The following PDXDC1 variants were observed in gnomAD, a reference collection of about 807,000 sequenced individuals.
PDXDC1 encodes the protein pyridoxal dependent decarboxylase domain containing 1.
PDXDC1 carries 42 observed loss-of-function variants against 100.1 expected under a neutral mutation model. That is an observed-to-expected ratio of 0.42 (90% confidence interval 0.33 to 0.54). The LOEUF (loss-of-function observed/expected upper bound fraction) is 0.54. Among genes scored for constraint, PDXDC1 ranks in the 20% least tolerant of loss-of-function variants. The pLI is 0.10. For synonymous variants in PDXDC1, 260 were observed against 371.7 expected (o/e 0.70, Z 3.46); for missense variants, 636 against 979.2 (o/e 0.65, Z 4.68).
chr16:15,010,983 T>C (rs1248355938), intron 8 of PDXDC1, among the ~76,000 whole-genome samples: 2 of 151,882 alleles, frequency 1.3e-5, no homozygotes, highest in East Asian at 1.9e-4. Context: ...GAAGACTAAG[T>C]ATTAAGTCAG....
At chr16:15,137,802 G>C in intron 16 of PDXDC1, 2 of 1,583,050 alleles carry the variant, frequency 1.3e-6, no homozygotes, top group East Asian at 2.3e-5. Flanking sequence ...TGGCCAGCCA[G>C]GGAGTCAGGC....
chr16:15,043,456 C>T (rs1256163273), intron 16 of PDXDC1, among the ~76,000 whole-genome samples: 1 of 152,184 alleles, frequency 6.6e-6, no homozygotes, highest in Non-Finnish European at 1.5e-5. Flanking sequence ...GAGGGAGGAT[C>T]ACTTGAGCCC....
In PDXDC1 at chr16:15,034,384, G is replaced by T. The variant is rs952294483; in HGVS notation, c.1905+6G>T. 1.9e-6 allele frequency: 3 copies of T among 1,613,460 alleles called. No homozygotes were observed. The highest frequency in any genetic ancestry group is 2.5e-6 in the Non-Finnish European group (3 of 1,179,932). On this transcript the variant is annotated splice_donor_region_variant and intron_variant, in intron 20 of 22. Coordinates refer to ENST00000396410, the MANE Select transcript of PDXDC1 (RefSeq NM_015027.4). ...AAGAACGGCTTCTGGAAGAGGTGAG[G>T]CCCCCGATGGGCAGCAGGCTGGGGG...
At position 15,036,507 on chromosome 16, in the gene PDXDC1, G is replaced by T; in HGVS notation, c.*232G>T. 1 of 538,894 alleles carries T rather than the reference G, an allele frequency of 1.9e-6. No homozygotes were observed. The allele number at this position is 538,894 out of a possible 1,614,324, so 33.4% of individuals were successfully genotyped here. A position where few individuals can be genotyped will look rare whatever the true frequency, so the allele number is the denominator to read the frequency against. On this transcript the variant is annotated 3_prime_UTR_variant, in exon 23 of 23. Transcript: ENST00000396410. ...CTGTCCTACTACGACTTTTCCCTAA[G>T]TTACCATAAACACATTTTATTCACA... is the stretch of plus-strand genomic sequence containing the variant.
At chr16:15,129,794 C>A in intron 16 of PDXDC1, 1 of 705,986 alleles carries the variant, frequency 1.4e-6, no homozygotes, top group Non-Finnish European at 2.6e-6. Flanking sequence ...CTTGTTCTGA[C>A]GTCTGCGATG....
downstream of PDXDC1, among the ~76,000 whole-genome samples, chr16:15,142,970 G>C (rs1329204234): frequency 6.6e-6 from 1 of 152,196 alleles, no homozygotes; most frequent in Non-Finnish European, 1.5e-5. Flanking sequence ...CCTCACCCCA[G>C]TTCCTGCTAT....
At chr16:15,025,330 G>A (rs1272769301) in intron 13 of PDXDC1, 1 of 152,398 alleles carries the variant, frequency 6.6e-6, no homozygotes, top group Non-Finnish European at 1.5e-5. Context: ...CCTAGCTGAG[G>A]ATGGGAGAAT....
the PDXDC1 span, among the ~76,000 whole-genome samples, chr16:15,145,246 G>T: frequency 6.6e-6 from 1 of 152,242 alleles, no homozygotes; most frequent in Non-Finnish European, 1.5e-5. Context: ...CCTGGAGAGG[G>T]CAGCAGCACA....
chr16:14,992,115 T>G (rs1478785880), intron 1 of PDXDC1, among the ~76,000 whole-genome samples: 1 of 152,280 alleles, frequency 6.6e-6, no homozygotes, highest in Non-Finnish European at 1.5e-5. Context: ...GTGTAAGGAA[T>G]CATGAGGATA....
At chr16:15,042,045 T>C (rs2043839090), downstream of PDXDC1, among the ~76,000 whole-genome samples, 1 of 152,240 alleles carries the variant, frequency 6.6e-6, no homozygotes, top group East Asian at 1.9e-4. Flanking sequence ...ATCTGGCCAC[T>C]GTAACAGATC....
rs561079755 is a variant in PDXDC1 at position 15,135,766 on chromosome 16, G to A, written c.1400-3113G>A. ...CCAGGTCCTGTGTGTCTGACCACAC[G>A]CGGTATGAGCCACCCTCAGTGATGG... is the stretch of plus-strand genomic sequence containing the variant. On this transcript the variant is annotated intron_variant, in intron 16 of 16. Transcript: ENST00000535621. 117 of 1,595,590 alleles carry A rather than the reference G, an allele frequency of 7.3e-5. No individual in the cohort carries two copies. In the South Asian group the frequency reaches 9.4e-4, roughly 13 times the overall value.
chr16:15,056,063 G>T, intron 16 of PDXDC1: 1 of 461,196 alleles, frequency 2.2e-6, no homozygotes. Flanking sequence ...CTCGGGCCGC[G>T]CGTCCCGCCT....
intron 14 of PDXDC1, 31 bp from the exon 15 acceptor site, chr16:15,028,847 G>A (rs2042831953): frequency 2.5e-6 from 4 of 1,606,246 alleles, no homozygotes; most frequent in Non-Finnish European, 2.6e-6. Context: ...GTGTTTCTGG[G>A]AGTGACTCCC....
chr16:15,128,089 C>T (rs1011168912), intron 16 of PDXDC1: 8 of 1,608,620 alleles, frequency 5.0e-6, no homozygotes, highest in Admixed American at 3.3e-5. Context: ...GTGCCGTCTG[C>T]AGGTCCCTGA....
chr16:15,129,872 C>T (rs777000776), intron 16 of PDXDC1: 98 of 755,764 alleles, frequency 1.3e-4, no homozygotes, highest in Non-Finnish European at 2.1e-4. Context: ...CACCCCGCCG[C>T]GCCCCTCACC....
the PDXDC1 span, among the ~76,000 whole-genome samples, chr16:15,145,222 G>T: frequency 2.0e-5 from 3 of 152,228 alleles, no homozygotes; most frequent in Non-Finnish European, 2.9e-5. Flanking sequence ...CCGGCTGTGC[G>T]GGCACAGCAG....
chr16:15,135,629 C>G, intron 16 of PDXDC1: 1 of 1,562,896 alleles, frequency 6.4e-7, no homozygotes, highest in Non-Finnish European at 8.8e-7. Context: ...GCATGGAGGA[C>G]GGCCCTGCCA....
chr16:15,058,353 A>G (rs891350990), intron 16 of PDXDC1, among the ~76,000 whole-genome samples: 5 of 152,182 alleles, frequency 3.3e-5, no homozygotes, highest in African/African-American at 1.2e-4. Flanking sequence ...CTGTTTCTTT[A>G]AGATAGGAAA....
At chr16:15,149,090 C>T in the PDXDC1 span, among the ~76,000 whole-genome samples, 51 of 152,332 alleles carry the variant, frequency 3.3e-4, no homozygotes, top group East Asian at 4.6e-3. Context: ...CCACTGCCTC[C>T]GCTCGGCTGC....
Sources: gnomAD v4.1 joint callset for allele counts (sites outside exome capture counted in the v4.1 genomes callset) on GRCh38, gnomAD v4.1.1 for gene constraint, MANE v1.5 for transcripts, NCBI Gene and HGNC (gene_info 2026-07-23, HGNC 2026-07-21) for gene names.